Variants in P3H2 observed in about 807,000 individuals in gnomAD.
The protein encoded by P3H2 is leprecan-like 1.
In P3H2, 80 loss-of-function variants were observed where a neutral mutation model predicts 87.0. That is an observed-to-expected ratio of 0.92 (90% CI 0.77 to 1.11). The LOEUF (loss-of-function observed/expected upper bound fraction) is 1.11. Ranked by LOEUF, P3H2 falls within the 50% of genes least tolerant of loss-of-function variation. The pLI, the probability that P3H2 is intolerant of heterozygous loss-of-function variation, is 0.00. For missense variants in P3H2, 1,001 were observed against 923.9 expected, an observed-to-expected ratio of 1.08 and a Z score of -1.08; for synonymous variants, 367 against 359.3, an observed-to-expected ratio of 1.02 and a Z score of -0.24.
rs1367750511 is a variant in P3H2, at chr3:189,956,940, T to A, written c.*972A>T. The A allele has an allele frequency of 2.5e-6, 1 of 395,564 alleles. No individual in the cohort carries two copies. Among genetic ancestry groups the A allele is most frequent in the Non-Finnish European group, 4.4e-6 (1 of 224,842 alleles). The allele number at this position is 395,564 out of a possible 1,614,324, so 24.5% of individuals were successfully genotyped here. ...CCATGGTGCCCGGATGCAGGCAGTA[T>A]TCAAGAGTTTCTTCCAAAGTCACCA... On this transcript the variant is annotated 3_prime_UTR_variant, in exon 15 of 15. Coordinates refer to ENST00000319332, the MANE Select transcript of P3H2 (RefSeq NM_018192.4).
intron 1 of P3H2, among the ~76,000 whole-genome samples, chr3:190,064,034 C>A (rs192889066): frequency 6.8e-6 from 1 of 147,270 alleles, no homozygotes; most frequent in African/African-American, 2.5e-5. Context: ...CACTGTTACC[C>A]AGGCTGGAGA....
intron 1 of P3H2, among the ~76,000 whole-genome samples, chr3:190,004,331 GA>G (rs1724311488): frequency 6.6e-6 from 1 of 152,310 alleles, no homozygotes; most frequent in African/African-American, 2.4e-5. Context: ...GACCAGCGCA[GA>G]AAGTGGCTGG....
chr3:190,082,956 C>T (rs1727092555), intron 1 of P3H2, among the ~76,000 whole-genome samples: 1 of 152,024 alleles, frequency 6.6e-6, no homozygotes, highest in Non-Finnish European at 1.5e-5. Context: ...CATGATTTGA[C>T]AAAGGAACAT....
At chr3:190,050,064 A>C (rs1725930556) in intron 1 of P3H2, among the ~76,000 whole-genome samples, 1 of 152,224 alleles carries the variant, frequency 6.6e-6, no homozygotes, top group South Asian at 2.1e-4. Flanking sequence ...CAGGACATGC[A>C]GTGAAAAATG....
intron 1 of P3H2, among the ~76,000 whole-genome samples, chr3:190,060,171 T>C (rs1174020491): frequency 1.3e-5 from 2 of 152,162 alleles, no homozygotes; most frequent in Non-Finnish European, 2.9e-5. Flanking sequence ...GCACCCAATT[T>C]GTTGAAATTC....
At chr3:190,050,145 C>A (rs1284049559) in intron 1 of P3H2, among the ~76,000 whole-genome samples, 2 of 152,200 alleles carry the variant, frequency 1.3e-5, no homozygotes, top group African/African-American at 4.8e-5. Context: ...AAAATTGCTA[C>A]TTTCCAAAAG....
At chr3:190,033,121 A>G (rs1247631778) in intron 1 of P3H2, among the ~76,000 whole-genome samples, 1 of 152,138 alleles carries the variant, frequency 6.6e-6, no homozygotes, top group African/African-American at 2.4e-5. Flanking sequence ...TCGCGCTCCT[A>G]AGAGAATCTA....
chr3:189,999,033 G>A (rs1264796168), intron 1 of P3H2, among the ~76,000 whole-genome samples: 1 of 152,152 alleles, frequency 6.6e-6, no homozygotes, highest in Non-Finnish European at 1.5e-5. Flanking sequence ...CTCCTAACAG[G>A]ACTGTACTGA....
chr3:190,121,233 TA>T (rs1712575469), upstream of P3H2: 1 of 152,732 alleles, frequency 6.5e-6, no homozygotes, highest in Admixed American at 6.5e-5. Context: ...CTTCACCTTC[TA>T]AATGAAGCCT....
At chr3:190,068,971 C>T (rs1307080173) in intron 1 of P3H2, among the ~76,000 whole-genome samples, 5 of 151,936 alleles carry the variant, frequency 3.3e-5, no homozygotes, top group Admixed American at 6.6e-5. Context: ...CGATACCATC[C>T]CATGTTTGGT....
At chr3:190,049,169 T>G (rs1395370757) in intron 1 of P3H2, among the ~76,000 whole-genome samples, 1 of 152,110 alleles carries the variant, frequency 6.6e-6, no homozygotes, top group Non-Finnish European at 1.5e-5. Flanking sequence ...TGCACAAAAC[T>G]GAATCTCGAA....
intron 1 of P3H2, among the ~76,000 whole-genome samples, chr3:190,102,578 AT>A (rs1290081814): frequency 1.3e-5 from 2 of 152,242 alleles, no homozygotes; most frequent in Non-Finnish European, 2.9e-5. Context: ...ACTCGAACAG[AT>A]AAAAAGTTGC....
At chr3:190,074,267 C>T (rs544978544) in intron 1 of P3H2, among the ~76,000 whole-genome samples, 3 of 151,966 alleles carry the variant, frequency 2.0e-5, no homozygotes, top group Admixed American at 1.3e-4. Context: ...CCCAGCACTT[C>T]GGGAGGTCGA....
Position 190,093,497 on chromosome 3 carries a change from T to C in P3H2, c.480+26755A>G, listed in dbSNP as rs534387670. Among the ~76,000 whole-genome samples, 58 of 152,194 alleles carry C rather than the reference T, an allele frequency of 3.8e-4. No individual in the cohort carries two copies. In the South Asian group the frequency reaches 0.012, roughly 31 times the overall value. The stretch of plus-strand genomic sequence containing the variant: ...ATCAGATAAAGAAATCTGAGAAAAT[T>C]AAAGGAAAATTATTAAGGCAGTGTC... On this transcript the variant is annotated intron_variant, in intron 1 of 14. Transcript: ENST00000319332.
chr3:190,034,072 G>A (rs780855347), intron 1 of P3H2, among the ~76,000 whole-genome samples: 19 of 152,138 alleles, frequency 1.2e-4, no homozygotes, highest in Non-Finnish European at 2.8e-4. Flanking sequence ...GACGGAACAC[G>A]ATGTTATAAA....
At chr3:189,958,935 C>T (rs1377247541) in intron 14 of P3H2, among the ~76,000 whole-genome samples, 1 of 151,876 alleles carries the variant, frequency 6.6e-6, no homozygotes, top group Non-Finnish European at 1.5e-5. Flanking sequence ...GTGATCCACC[C>T]GCCTCGCCCT....
At chr3:189,965,914 A>G (rs1183452954) in intron 13 of P3H2, among the ~76,000 whole-genome samples, 1 of 150,168 alleles carries the variant, frequency 6.7e-6, no homozygotes, top group Non-Finnish European at 1.5e-5. Context: ...TGAACCTGGG[A>G]GACGGAAGTT....
chr3:189,986,634 G>C (rs562968107), intron 6 of P3H2, among the ~76,000 whole-genome samples, 154 bp downstream of exon 6: 1 of 152,160 alleles, frequency 6.6e-6, no homozygotes, highest in East Asian at 1.9e-4. Context: ...CACATATATT[G>C]AGTAAATATC....
At chr3:190,060,088 A>G (rs1726288619) in intron 1 of P3H2, among the ~76,000 whole-genome samples, 1 of 152,180 alleles carries the variant, frequency 6.6e-6, no homozygotes, top group Non-Finnish European at 1.5e-5. Context: ...TTTTCTTAAG[A>G]CTAATCCAAT....
Sources: gnomAD v4.1 joint callset for allele counts (sites outside exome capture counted in the v4.1 genomes callset) on GRCh38, gnomAD v4.1.1 for gene constraint, MANE v1.5 for transcripts, NCBI Gene and HGNC (gene_info 2026-07-23, HGNC 2026-07-21) for gene names.